IL7: variants seen among roughly 807,000 people sequenced by gnomAD.
IL7 encodes the protein interleukin 7, also known as interleukin-7.
Under a neutral mutation model 21.6 loss-of-function variants are expected in IL7, and 3 were observed. The ratio of observed to expected loss-of-function variants is 0.14; its 90% CI spans 0.06 to 0.36. IL7 has a LOEUF of 0.36. IL7 is among the 10% of genes least tolerant of loss of function. The pLI is 1.00. For synonymous variants in IL7, 62 were observed against 68.1 expected, an observed-to-expected ratio of 0.91 and a Z score of 0.44; for missense variants, 175 against 200.2, an observed-to-expected ratio of 0.87 and a Z score of 0.76.
intron 2 of IL7, among the ~76,000 whole-genome samples, chr8:78,792,479 TA>T (rs560279409): frequency 2.0e-5 from 3 of 151,212 alleles, no homozygotes; most frequent in Non-Finnish European, 4.4e-5. Flanking sequence ...ATCAAGAAAA[TA>T]AAAAACAATA....
At chr8:78,766,506 A>G (rs1415761784) in intron 2 of IL7, among the ~76,000 whole-genome samples, 1 of 152,026 alleles carries the variant, frequency 6.6e-6, no homozygotes, top group Non-Finnish European at 1.5e-5. Context: ...ACACATATAT[A>G]CATGCATATA....
rs574052319 is a variant in IL7 at position 78,800,976 on chromosome 8, T to A, written c.11-2768A>T. Among the ~76,000 whole-genome samples the A allele has an allele frequency of 3.8e-4, 58 of 152,336 alleles. No individual in the cohort carries two copies. The South Asian group carries it at 0.011, about 29-fold the overall frequency. On this transcript the variant is annotated intron_variant, in intron 1 of 5. Transcript: ENST00000263851. Reference sequence around the variant, plus strand: ...TTCACCTCAATTTTCAGTAGTTAAGTGCTCCTCAAATTTAAATCAACCTAT... The same window carrying A: ...TTCACCTCAATTTTCAGTAGTTAAGAGCTCCTCAAATTTAAATCAACCTAT...
chr8:78,709,075 A>G (rs1810874444), intron 3 of IL7, among the ~76,000 whole-genome samples: 1 of 152,218 alleles, frequency 6.6e-6, no homozygotes, highest in Non-Finnish European at 1.5e-5. Context: ...ACACAGTTGT[A>G]CCTTATTACC....
intron 3 of IL7, among the ~76,000 whole-genome samples, chr8:78,699,311 G>C (rs939194101): frequency 6.6e-6 from 1 of 151,942 alleles, no homozygotes; most frequent in Non-Finnish European, 1.5e-5. Context: ...TATTAATATA[G>C]AGCCATATAT....
downstream of IL7, chr8:78,717,491 T>G: frequency 6.6e-7 from 1 of 1,518,846 alleles, no homozygotes; most frequent in Non-Finnish European, 8.8e-7. Flanking sequence ...AATGATTCTA[T>G]GAATAGAATC....
rs1353155433 is a variant in IL7, at chr8:78,761,127, A to T, written c.148-21045T>A. ...TGCAGGAGTTCCACTAAAATTTCAA[A>T]AGCATCATGCCTCCCTGTCCACTGA... On this transcript the variant is annotated intron_variant, in intron 2 of 5. Coordinates refer to ENST00000263851, the MANE Select transcript of IL7 (RefSeq NM_000880.4). 4 of 1,593,248 alleles carry T rather than the reference A, an allele frequency of 2.5e-6. No homozygotes were observed. In the African/African-American group the frequency reaches 5.4e-5, roughly 22 times the overall value.
chr8:78,695,834 C>T (rs567872446), intron 3 of IL7, among the ~76,000 whole-genome samples: 21 of 152,200 alleles, frequency 1.4e-4, no homozygotes, highest in African/African-American at 5.1e-4. Context: ...TACTGCAAAA[C>T]GTGAATGCTA....
intron 2 of IL7, among the ~76,000 whole-genome samples, chr8:78,741,837 T>G (rs1288848954): frequency 6.6e-6 from 1 of 152,232 alleles, no homozygotes; most frequent in Non-Finnish European, 1.5e-5. Flanking sequence ...TTACTGTTGC[T>G]TTCTAAAATT....
intron 2 of IL7, chr8:78,760,070 A>C: frequency 7.2e-7 from 1 of 1,383,042 alleles, no homozygotes; most frequent in African/African-American, 1.5e-5. Context: ...TTAGTGATTA[A>C]GTGGCCTACA....
chr8:78,724,535 G>C lies in IL7; in HGVS notation n.268-3095C>G, dbSNP rs1344252549. Among the ~76,000 whole-genome samples, 3 of 57,542 alleles carry C rather than the reference G, an allele frequency of 5.2e-5. No homozygotes were observed. In the Admixed American group the frequency reaches 6.2e-4, roughly 12 times the overall value. 37.7% of individuals were successfully genotyped at this position (57,542 alleles called of 152,430 possible). A position where few individuals can be genotyped will look rare whatever the true frequency, so the allele number is the denominator to read the frequency against. ...TTCTCAAACTTATATTTCTTATAGG[G>C]AAAACTCATAAACTCTTCAAGAAAC... is the stretch of plus-strand genomic sequence containing the variant. On this transcript the variant is annotated intron_variant and non_coding_transcript_variant, in intron 3 of 6. Transcript: ENST00000519833.
chr8:78,692,587 A>G (rs1306746842), intron 3 of IL7, among the ~76,000 whole-genome samples: 1 of 152,034 alleles, frequency 6.6e-6, no homozygotes, highest in African/African-American at 2.4e-5. Context: ...AGCAGTAAGG[A>G]GGTCTAAGTG....
chr8:78,713,809 A>G (rs555550522), downstream of IL7, among the ~76,000 whole-genome samples: 1 of 152,330 alleles, frequency 6.6e-6, no homozygotes, highest in Admixed American at 6.5e-5. Flanking sequence ...TAGTAGCCTC[A>G]CAATTTATAT....
intron 3 of IL7, chr8:78,686,698 C>T (rs903265747): frequency 8.4e-6 from 11 of 1,304,960 alleles, no homozygotes; most frequent in Admixed American, 6.1e-5. Flanking sequence ...GCTTAACTTA[C>T]AATCATGGAG....
At chr8:78,715,890 A>G (rs904715006), downstream of IL7, among the ~76,000 whole-genome samples, 4 of 151,610 alleles carry the variant, frequency 2.6e-5, no homozygotes, top group Non-Finnish European at 5.9e-5. Flanking sequence ...AAGTAGAAAA[A>G]TTAGCCGGTT....
At chr8:78,734,438 A>G (rs531726569) in intron 5 of IL7, among the ~76,000 whole-genome samples, 3 of 152,232 alleles carry the variant, frequency 2.0e-5, no homozygotes, top group African/African-American at 4.8e-5. Context: ...AGACTCAGTT[A>G]TATTTCTCTG....
chr8:78,700,891 G>A (rs1472181424), intron 3 of IL7, among the ~76,000 whole-genome samples: 3 of 152,118 alleles, frequency 2.0e-5, no homozygotes, highest in African/African-American at 7.2e-5. Context: ...TTTGATTACT[G>A]TAGCCCTGTA....
chr8:78,711,089 A>G (rs1361140170), intron 3 of IL7, among the ~76,000 whole-genome samples: 1 of 152,140 alleles, frequency 6.6e-6, no homozygotes, highest in Admixed American at 6.5e-5. Context: ...CTCAGGGTTT[A>G]TAGTCAGTGA....
chr8:78,761,997 C>T (rs1812576911), intron 2 of IL7: 1 of 1,604,354 alleles, frequency 6.2e-7, no homozygotes, highest in Non-Finnish European at 8.5e-7. Context: ...CCTTCACCCT[C>T]TTCTTCGCTG....
chr8:78,776,115 T>A (rs1404955121), intron 2 of IL7, among the ~76,000 whole-genome samples: 2 of 152,012 alleles, frequency 1.3e-5, no homozygotes, highest in African/African-American at 4.8e-5. Context: ...TACCTAATAA[T>A]GAAATAGAGC....
Sources: allele counts gnomAD v4.1 joint callset (sites outside exome capture counted in the v4.1 genomes callset), GRCh38; gene constraint gnomAD v4.1.1; transcripts MANE v1.5; gene names NCBI Gene and HGNC (gene_info 2026-07-23, HGNC 2026-07-21).